Variants in SLAMF9 observed in about 807,000 individuals in gnomAD.
SLAMF9 encodes CD2 family member 10.
A neutral mutation model predicts 30.4 loss-of-function variants in SLAMF9; 25 were observed. That is an observed-to-expected ratio of 0.82 (90% CI 0.60 to 1.15). The LOEUF (loss-of-function observed/expected upper bound fraction) is 1.15, where lower values mean the gene tolerates loss of function less well. Among genes scored for constraint, SLAMF9 ranks in the 50% most tolerant of loss-of-function variants. The pLI is 0.00. For missense variants in SLAMF9, 344 were observed against 346.1 expected (o/e 0.99, Z 0.05); for synonymous variants, 129 against 127.2 (o/e 1.01, Z -0.09).
chr1:159,967,249 T>A, the SLAMF9 span, among the ~76,000 whole-genome samples: 1 of 152,206 alleles, frequency 6.6e-6, no homozygotes, highest in Non-Finnish European at 1.5e-5. Context: ...CATCAACTTG[T>A]CTTACATTTG....
chr1:159,962,578 A>C, the SLAMF9 span, among the ~76,000 whole-genome samples: 1 of 151,662 alleles, frequency 6.6e-6, no homozygotes, highest in Non-Finnish European at 1.5e-5. Flanking sequence ...ATTCAGAACC[A>C]AGGGAAAGGA....
the SLAMF9 span, among the ~76,000 whole-genome samples, chr1:159,970,379 G>T: frequency 6.6e-6 from 1 of 152,214 alleles, no homozygotes; most frequent in Non-Finnish European, 1.5e-5. Context: ...CTATGGAAAA[G>T]ATAAGGCTAA....
the SLAMF9 span, chr1:159,983,096 G>C: frequency 6.6e-6 from 1 of 152,114 alleles, no homozygotes; most frequent in Non-Finnish European, 1.5e-5. Flanking sequence ...CCAATATCTT[G>C]GCCATTCATT....
chr1:159,962,559 G>A, the SLAMF9 span, among the ~76,000 whole-genome samples: 1 of 152,106 alleles, frequency 6.6e-6, no homozygotes, highest in Non-Finnish European at 1.5e-5. Flanking sequence ...AAGACAGGAG[G>A]GAACTGAGAT....
the SLAMF9 span, among the ~76,000 whole-genome samples, chr1:159,962,035 A>G: frequency 3.7e-4 from 56 of 152,082 alleles, 1 homozygote; most frequent in African/African-American, 1.2e-3. Flanking sequence ...GCACATGCCT[A>G]TAATGCCAGG....
At chr1:159,956,857 C>T (rs775836405), upstream of SLAMF9, among the ~76,000 whole-genome samples, 5 of 152,012 alleles carry the variant, frequency 3.3e-5, no homozygotes, top group African/African-American at 1.2e-4. Flanking sequence ...CGGTGGCTCA[C>T]ACCTGTAATC....
the SLAMF9 span, among the ~76,000 whole-genome samples, chr1:159,966,761 T>C: frequency 6.6e-6 from 1 of 152,226 alleles, no homozygotes; most frequent in Admixed American, 6.5e-5. Flanking sequence ...TTTGTATGCC[T>C]TCTTTTGAGA....
the SLAMF9 span, among the ~76,000 whole-genome samples, chr1:159,982,261 C>T: frequency 6.6e-6 from 1 of 152,202 alleles, no homozygotes; most frequent in African/African-American, 2.4e-5. Flanking sequence ...ACTGTCCACT[C>T]TCTTATTCCC....
the SLAMF9 span, chr1:159,973,922 G>A: frequency 2.5e-6 from 4 of 1,612,450 alleles, no homozygotes; most frequent in South Asian, 1.1e-5. Flanking sequence ...ACAGAGTCTG[G>A]TTTTCCTTAG....
chr1:159,960,948 T>C, the SLAMF9 span, among the ~76,000 whole-genome samples: 3 of 152,236 alleles, frequency 2.0e-5, no homozygotes, highest in African/African-American at 7.2e-5. Flanking sequence ...TGGGCCCCAG[T>C]TGTCCACAAC....
chr1:159,954,053 A>C, intron 1 of SLAMF9, 39 bp downstream of exon 1: 1 of 1,613,208 alleles, frequency 6.2e-7, no homozygotes, highest in Non-Finnish European at 8.5e-7. Context: ...ACAGAGGTGT[A>C]GGGGACATTC....
chr1:159,952,405 TC>T lies in SLAMF9; in HGVS notation c.520del (p.Asp174IlefsTer75), dbSNP rs759108348. 6.2e-7 allele frequency: 1 copy of T among 1,613,762 alleles called. No homozygotes were observed. Among genetic ancestry groups the T allele is most frequent in the South Asian group, 1.1e-5 (1 of 91,058 alleles). On this transcript the variant is annotated frameshift_variant, in exon 3 of 4. Coordinates refer to ENST00000368093, the MANE Select transcript of SLAMF9 (RefSeq NM_033438.4). LOFTEE classifies it high-confidence loss of function. ...GCCTTCATGGAATGTATAAGTGCTA[TC>T]CCCCCGGGAGAGCCAGCTGTAGGTC... ...DMTYSWLSRG[D>X]STYTFHEGPV...
chr1:159,977,217 T>C, the SLAMF9 span: 1 of 152,210 alleles, frequency 6.6e-6, no homozygotes, highest in South Asian at 2.1e-4. Flanking sequence ...ATAAACCCTA[T>C]CTTATAAGAC....
chr1:159,960,088 A>G, the SLAMF9 span, among the ~76,000 whole-genome samples: 2 of 151,732 alleles, frequency 1.3e-5, no homozygotes, highest in African/African-American at 4.8e-5. Flanking sequence ...ATATGTATAC[A>G]TGTGCCATGT....
chr1:159,962,504 G>C, the SLAMF9 span, among the ~76,000 whole-genome samples: 8 of 152,016 alleles, frequency 5.3e-5, no homozygotes, highest in African/African-American at 1.9e-4. Flanking sequence ...GATGATAATG[G>C]AACAAGGCCT....
chr1:159,970,436 C>T, the SLAMF9 span, among the ~76,000 whole-genome samples: 1 of 152,190 alleles, frequency 6.6e-6, no homozygotes, highest in Non-Finnish European at 1.5e-5. Context: ...AGAAAAAATG[C>T]CTCCCAGTGG....
At chr1:159,966,693 A>C in the SLAMF9 span, among the ~76,000 whole-genome samples, 4 of 152,096 alleles carry the variant, frequency 2.6e-5, no homozygotes, top group Admixed American at 2.0e-4. Context: ...TGTGGTTTTA[A>C]TTTGCATTTA....
intron 1 of SLAMF9, among the ~76,000 whole-genome samples, 157 bp from the exon 2 acceptor site, chr1:159,953,810 T>A (rs77280868): frequency 0.023 from 3,527 of 152,308 alleles, 130 homozygotes; most frequent in African/African-American, 0.081. Flanking sequence ...GACTCTAGAT[T>A]TCCCCTTTCC....
At chr1:159,972,632 T>C in the SLAMF9 span, 534 of 164,300 alleles carry the variant, frequency 3.3e-3, 1 homozygote, top group Middle Eastern at 8.6e-3. Context: ...CATCCTGCTC[T>C]GACTTCACTG....
Sources: allele counts gnomAD v4.1 joint callset (sites outside exome capture counted in the v4.1 genomes callset), GRCh38; gene constraint gnomAD v4.1.1; transcripts MANE v1.5; gene names NCBI Gene and HGNC (gene_info 2026-07-23, HGNC 2026-07-21).